The following SARDH variants were observed in gnomAD, a reference collection of about 807,000 sequenced individuals.
SARDH encodes sarcosine dehydrogenase, mitochondrial.
SARDH carries 95 observed loss-of-function variants against 109.1 expected under a neutral mutation model. That is an observed-to-expected ratio of 0.87 (90% CI 0.74 to 1.03). SARDH has a LOEUF of 1.03. SARDH is among the 50% of genes least tolerant of loss of function. SARDH has a pLI of 0.00. For missense variants in SARDH, 1,267 were observed against 1,287.8 expected, an observed-to-expected ratio of 0.98 and a Z score of 0.25; for synonymous variants, 572 against 534.8, an observed-to-expected ratio of 1.07 and a Z score of -0.96.
At chr9:133,705,063 C>G (rs779346782) in intron 11 of SARDH, 32 bp from the exon 12 acceptor site, 1 of 1,559,394 alleles carries the variant, frequency 6.4e-7, no homozygotes, top group South Asian at 1.2e-5. Flanking sequence ...GCATCTGTCA[C>G]GCATGGCCTG....
At chr9:133,706,132 C>G (rs779279459) in intron 11 of SARDH, among the ~76,000 whole-genome samples, 1 of 152,212 alleles carries the variant, frequency 6.6e-6, no homozygotes, top group Non-Finnish European at 1.5e-5. Flanking sequence ...GAACTGAGAG[C>G]GGGGTTGTAA....
chr9:133,703,939 C>G (rs2427989), intron 12 of SARDH, among the ~76,000 whole-genome samples: 2 of 152,044 alleles, frequency 1.3e-5, no homozygotes, highest in African/African-American at 4.8e-5. Flanking sequence ...GTGCAAAATC[C>G]GCCCATCTTG....
intron 1 of SARDH, among the ~76,000 whole-genome samples, chr9:133,735,018 T>G (rs2502761): frequency 0.94 from 142,366 of 152,124 alleles, 66,758 homozygotes; most frequent in Non-Finnish European, 0.96. Flanking sequence ...TTGTGTTGAG[T>G]GATGGAGACA....
rs527515059 is a variant in SARDH, at chr9:133,707,201, C to A, written c.1470+1086G>T. On this transcript the variant is annotated intron_variant, in intron 11 of 20. Coordinates refer to ENST00000439388, the MANE Select transcript of SARDH (RefSeq NM_001134707.2). ...CCAAGATTTCCCTGGGGGGCAGGGG[C>A]GTGCTTCAGCCCTTGCCAAGTTTCT... 7.9e-5 allele frequency among the ~76,000 whole-genome samples: 12 copies of A among 152,302 alleles called. No homozygotes were observed. The South Asian group carries it at 2.5e-3, about 32-fold the overall frequency.
At chr9:133,729,725 C>T (rs1366004259) in intron 6 of SARDH, 40 bp downstream of exon 6, 1 of 1,553,050 alleles carries the variant, frequency 6.4e-7, no homozygotes, top group Non-Finnish European at 8.8e-7. Flanking sequence ...GTCTCTGTGC[C>T]CCCCACAGAC....
chr9:133,710,950 C>T (rs1831896531), intron 10 of SARDH, among the ~76,000 whole-genome samples: 1 of 152,170 alleles, frequency 6.6e-6, no homozygotes, highest in Non-Finnish European at 1.5e-5. Flanking sequence ...CTGCTGTACT[C>T]CAGGGTGGGT....
upstream of SARDH, among the ~76,000 whole-genome samples, chr9:133,739,115 A>G (rs1244982527): frequency 6.6e-6 from 1 of 152,182 alleles, no homozygotes; most frequent in Non-Finnish European, 1.5e-5. Context: ...GTAGACACCC[A>G]GAGGAGGGGT....
chr9:133,704,962 G>A lies in SARDH; in HGVS notation c.1540C>T (p.Arg514Ter), dbSNP rs140559739. Residue 514 changes from arginine (R) to a stop codon, truncating the protein, a stop_gained, in exon 12 of 21, where the codon CGA (arginine) becomes TGA (stop). Coordinates refer to ENST00000439388, the MANE Select transcript of SARDH (RefSeq NM_001134707.2). LOFTEE classifies it high-confidence loss of function. The surrounding 1 kb of genome is among the most constrained non-coding windows in gnomAD (Gnocchi z 4.5). ...GWERPGWFHP[R>*]GPAPVLEYDY... ...GCACTACTCACCGGAGCTGGGCCTCGGGGATGAAACCATCCCGGTCGCTCC... is the reference window on the plus strand; with the variant it reads ...GCACTACTCACCGGAGCTGGGCCTCAGGGATGAAACCATCCCGGTCGCTCC... 153 of 1,579,968 alleles carry A rather than the reference G, an allele frequency of 9.7e-5. No homozygotes were observed. The highest frequency in any genetic ancestry group is 1.8e-4 in the Admixed American group (10 of 54,090).
intron 17 of SARDH, among the ~76,000 whole-genome samples, chr9:133,673,078 G>A (rs144435324): frequency 1.1e-3 from 174 of 152,344 alleles, no homozygotes; most frequent in Non-Finnish European, 1.5e-3. Context: ...GCACTGAGCA[G>A]GGCCTAGGCA....
chr9:133,703,724 AAT>A, intron 12 of SARDH: 1 of 152,088 alleles, frequency 6.6e-6, no homozygotes, highest in South Asian at 2.1e-4. Context: ...AGGTGTGGGC[AAT>A]TCTTAACCTC....
At chr9:133,695,920 C>T (rs914156445) in intron 14 of SARDH, among the ~76,000 whole-genome samples, 1 of 152,166 alleles carries the variant, frequency 6.6e-6, no homozygotes, top group African/African-American at 2.4e-5. Flanking sequence ...CTGGGCCCCA[C>T]AGTCCCAGGA....
intron 6 of SARDH, among the ~76,000 whole-genome samples, chr9:133,727,251 G>A (rs1009420256): frequency 3.3e-5 from 5 of 152,194 alleles, no homozygotes; most frequent in African/African-American, 7.2e-5. Flanking sequence ...AGAAAAGGGA[G>A]GTCCTTGGGG....
intron 17 of SARDH, among the ~76,000 whole-genome samples, chr9:133,681,344 C>T (rs1271861597): frequency 1.3e-5 from 2 of 152,250 alleles, no homozygotes; most frequent in Admixed American, 1.3e-4. Context: ...GGTCGAGACA[C>T]TCGGGGCCTT....
intron 4 of SARDH, 60 bp from the exon 5 acceptor site, chr9:133,730,247 C>A: frequency 1.3e-6 from 2 of 1,591,870 alleles, no homozygotes; most frequent in Admixed American, 1.7e-5. Flanking sequence ...TGCTTCCCAC[C>A]CCACTCCAAC....
intron 20 of SARDH, among the ~76,000 whole-genome samples, chr9:133,664,751 T>A (rs1231783983): frequency 1.3e-5 from 2 of 151,822 alleles, no homozygotes; most frequent in African/African-American, 2.4e-5. Context: ...ATGAAAAAAA[T>A]AAAAAACAAA....
At chr9:133,739,499 G>C (rs1394530762), upstream of SARDH, among the ~76,000 whole-genome samples, 1 of 152,192 alleles carries the variant, frequency 6.6e-6, no homozygotes, top group Non-Finnish European at 1.5e-5. Flanking sequence ...CAGATCCAGG[G>C]AGAGACACGA....
At chr9:133,660,137 C>A (rs1217323322), downstream of SARDH, among the ~76,000 whole-genome samples, 1 of 151,246 alleles carries the variant, frequency 6.6e-6, no homozygotes, top group African/African-American at 2.4e-5. Context: ...GCCGTGTCCC[C>A]CCTACCCCGC....
intron 17 of SARDH, among the ~76,000 whole-genome samples, chr9:133,678,745 C>A (rs550595870): frequency 4.6e-5 from 7 of 152,352 alleles, no homozygotes; most frequent in African/African-American, 1.7e-4. Flanking sequence ...TCTTCACCGA[C>A]CTTAAGCATA....
At position 133,712,852 on chromosome 9, in the gene SARDH, G is replaced by A. The variant is rs766081916; in HGVS notation, c.1238-143C>T. 3.1e-4 allele frequency: 293 copies of A among 931,102 alleles called. No homozygotes were observed. Among genetic ancestry groups the A allele is most frequent in the Non-Finnish European group, 4.4e-4 (269 of 611,084 alleles). The allele number at this position is 931,102 out of a possible 1,614,324, so 57.7% of individuals were successfully genotyped here. On this transcript the variant is annotated intron_variant, in intron 9 of 20. Transcript: ENST00000439388. This position sits in a 1 kb window ranked among gnomAD's most constrained non-coding sequence, Gnocchi z 4.1. ...TGGGGTGCTGCACGCCTCCTGATTG[G>A]ACTGCTGCTGGACTGGACCCTGGCA...
Sources: gnomAD v4.1 joint callset for allele counts (sites outside exome capture counted in the v4.1 genomes callset) on GRCh38, gnomAD v4.1.1 for gene constraint, Gnocchi (gnomAD v3.1) non-coding constraint, MANE v1.5 for transcripts, NCBI Gene and HGNC (gene_info 2026-07-23, HGNC 2026-07-21) for gene names.